Variants in GPR143 observed in about 807,000 individuals in gnomAD.
The protein encoded by GPR143 is G-protein coupled receptor 143.
In GPR143, 8 loss-of-function variants were observed where a neutral mutation model predicts 27.6. That is an observed-to-expected ratio of 0.29 (90% CI 0.17 to 0.52). GPR143 has a LOEUF of 0.52. Among genes scored for constraint, GPR143 ranks in the 20% least tolerant of loss-of-function variants. GPR143 has a pLI of 0.96. For missense variants in GPR143, 303 were observed against 343.1 expected (o/e 0.88, Z 0.92); for synonymous variants, 156 against 153.2 (o/e 1.02, Z -0.13).
chrX:9,776,368 G>A (rs2083570891), intron 1 of GPR143, among the ~76,000 whole-genome samples: 1 of 111,485 alleles, frequency 9.0e-6, no homozygotes, highest in Non-Finnish European at 1.9e-5. Flanking sequence ...CGTAACGTGT[G>A]TATAACCTGA....
chrX:9,740,744 T>G, intron 7 of GPR143: 1 of 287,901 alleles, frequency 3.5e-6, no homozygotes, highest in East Asian at 4.8e-5. Flanking sequence ...CTTAAACATT[T>G]CTTTCTTTCT....
chrX:9,768,889 G>T (rs1008673399), upstream of GPR143, among the ~76,000 whole-genome samples: 1 of 110,928 alleles, frequency 9.0e-6, no homozygotes, highest in Non-Finnish European at 1.9e-5. Context: ...TGTTGGCCAG[G>T]CTGGTCTTGA....
At chrX:9,778,075 A>G (rs763491580) in intron 1 of GPR143, among the ~76,000 whole-genome samples, 14 of 111,297 alleles carry the variant, frequency 1.3e-4, no homozygotes, top group African/African-American at 2.3e-4. Context: ...TGGGCGACAG[A>G]GTGAGACTCC....
At chrX:9,729,527 G>A (rs2083344017) in intron 8 of GPR143, among the ~76,000 whole-genome samples, 1 of 112,006 alleles carries the variant, frequency 8.9e-6, no homozygotes, top group African/African-American at 3.2e-5. Flanking sequence ...GGAGGGAGCT[G>A]CCCAAGTTCA....
chrX:9,739,754 T>A, intron 7 of GPR143, 35 bp from the exon 8 acceptor site: 2 of 937,187 alleles, frequency 2.1e-6, no homozygotes, highest in Non-Finnish European at 3.0e-6. Context: ...TGGCAGTCAG[T>A]GCAGCGTAGC....
At chrX:9,753,816 C>G (rs1440058389) in intron 3 of GPR143, among the ~76,000 whole-genome samples, 1 of 112,147 alleles carries the variant, frequency 8.9e-6, no homozygotes, top group Non-Finnish European at 1.9e-5. Context: ...GGAAGGCTGT[C>G]TCTGCAGAAA....
At chrX:9,751,431 A>C (rs747020947) in intron 3 of GPR143, among the ~76,000 whole-genome samples, 1 of 112,751 alleles carries the variant, frequency 8.9e-6, no homozygotes, top group East Asian at 2.8e-4. Context: ...TCTCTACAGA[A>C]GAGGGGCCAG....
chrX:9,752,124 A>G (rs1469600958), intron 3 of GPR143, among the ~76,000 whole-genome samples: 3 of 112,549 alleles, frequency 2.7e-5, no homozygotes, highest in Non-Finnish European at 5.6e-5. Context: ...ACTGGCATGC[A>G]ATGGCACAAT....
At chrX:9,765,961 C>T (rs2083531323), upstream of GPR143, 2 of 552,497 alleles carry the variant, frequency 3.6e-6, no homozygotes, top group Non-Finnish European at 2.5e-6. Flanking sequence ...GAGCCAGGCT[C>T]GGTGGGGGCC....
intron 4 of GPR143, 99 bp from the exon 5 acceptor site, chrX:9,746,252 A>G: frequency 5.5e-6 from 3 of 543,600 alleles, no homozygotes; most frequent in Non-Finnish European, 1.0e-5. Flanking sequence ...GAGAACAAAA[A>G]GGGAAATGCA....
At chrX:9,748,237 G>T (rs746954748) in intron 4 of GPR143, among the ~76,000 whole-genome samples, 10 of 112,872 alleles carry the variant, frequency 8.9e-5, no homozygotes, top group Non-Finnish European at 1.7e-4. Flanking sequence ...AAATACTTAA[G>T]AGTGGGCATG....
At chrX:9,759,240 A>G (rs2083485399) in intron 3 of GPR143, 92 bp downstream of exon 3, 1 of 582,087 alleles carries the variant, frequency 1.7e-6, no homozygotes, top group African/African-American at 2.2e-5. Context: ...GGTGTCTGCA[A>G]CACTGCAAAA....
intron 6 of GPR143, among the ~76,000 whole-genome samples, chrX:9,742,069 A>G (rs2083406595): frequency 8.9e-6 from 1 of 112,435 alleles, no homozygotes; most frequent in African/African-American, 3.2e-5. Context: ...CCCAGAATTC[A>G]TTTTTTGTTT....
Position 9,740,511 on chromosome X carries a change from C to T in GPR143, c.886-792G>A, listed in dbSNP as rs140672292. 6.9e-3 allele frequency among the ~76,000 whole-genome samples: 782 copies of T among 112,867 alleles called. 3 individuals carry two copies. The highest frequency in any genetic ancestry group is 0.012 in the Admixed American group (127 of 10,728). On this transcript the variant is annotated intron_variant, in intron 7 of 8. Coordinates refer to ENST00000467482, the MANE Select transcript of GPR143 (RefSeq NM_000273.3). ...CAACTTGCCCATGGGGCTTCTACCC[C>T]ATCATTCTCTTCATGTATGTCCATC... is the stretch of plus-strand genomic sequence containing the variant.
intron 8 of GPR143, among the ~76,000 whole-genome samples, chrX:9,733,720 T>C (rs1338709152): frequency 9.0e-6 from 1 of 111,178 alleles, no homozygotes; most frequent in African/African-American, 3.3e-5. Flanking sequence ...GAATGGAGAC[T>C]TGTGGGAGAG....
At chrX:9,737,430 A>C (rs1424439631) in intron 8 of GPR143, among the ~76,000 whole-genome samples, 1 of 112,566 alleles carries the variant, frequency 8.9e-6, no homozygotes, top group African/African-American at 3.2e-5. Context: ...GCGAATCTAG[A>C]AAACACTATC....
At chrX:9,730,721 G>A (rs750265425) in intron 8 of GPR143, among the ~76,000 whole-genome samples, 52 of 112,182 alleles carry the variant, frequency 4.6e-4, no homozygotes, top group African/African-American at 1.6e-3. Flanking sequence ...GAGGGGAAGA[G>A]AAGTCCAGGC....
chrX:9,761,621 ATT>A (rs1491326296), intron 1 of GPR143, among the ~76,000 whole-genome samples: 10 of 50,306 alleles, frequency 2.0e-4, no homozygotes, highest in Non-Finnish European at 3.0e-4. Flanking sequence ...TAGTTCCTTC[ATT>A]CTTTTTTAAA....
At chrX:9,751,288 C>T (rs1461873808) in intron 3 of GPR143, among the ~76,000 whole-genome samples, 1 of 112,287 alleles carries the variant, frequency 8.9e-6, no homozygotes, top group Non-Finnish European at 1.9e-5. Flanking sequence ...CCCTGGATGC[C>T]CAGCTGTCTT....
Sources: allele counts gnomAD v4.1 joint callset (sites outside exome capture counted in the v4.1 genomes callset), GRCh38; gene constraint gnomAD v4.1.1; transcripts MANE v1.5; gene names NCBI Gene and HGNC (gene_info 2026-07-23, HGNC 2026-07-21).